RHOG: variants seen among roughly 807,000 people sequenced by gnomAD.
RHOG encodes ras homolog family member G.
A neutral mutation model predicts 12.3 loss-of-function variants in RHOG; 1 was observed. That is an observed-to-expected ratio of 0.08 (90% confidence interval 0.03 to 0.39). RHOG has a LOEUF of 0.39. Ranked by LOEUF, RHOG falls within the 10% of genes least tolerant of loss-of-function variation. The probability of loss-of-function intolerance (pLI) is 0.99; values close to 1 mark genes in which losing one functional copy is unlikely to be tolerated. For missense variants in RHOG, 114 were observed against 266.2 expected, an observed-to-expected ratio of 0.43 and a Z score of 3.98; for synonymous variants, 129 against 116.0, an observed-to-expected ratio of 1.11 and a Z score of -0.72.
At chr11:3,830,296 C>G (rs554330976) in intron 1 of RHOG, among the ~76,000 whole-genome samples, 28 of 152,268 alleles carry the variant, frequency 1.8e-4, no homozygotes, top group African/African-American at 5.8e-4. Context: ...TATTTGTTCC[C>G]TGAGCCTCAA....
chr11:3,827,385 GCCCCTTTCTCTGCAGGC>G lies in RHOG; in HGVS notation c.*161_*177del, dbSNP rs1194274944. 3.3e-6 allele frequency: 2 copies of G among 606,172 alleles called. No homozygotes were observed. The highest frequency in any genetic ancestry group is 5.5e-5 in the East Asian group (2 of 36,200). 37.5% of individuals were successfully genotyped at this position (606,172 alleles called of 1,614,324 possible). On this transcript the variant is annotated 3_prime_UTR_variant, in exon 2 of 2. Coordinates refer to ENST00000351018, the MANE Select transcript of RHOG (RefSeq NM_001665.4). The surrounding 1 kb of genome is among the most constrained non-coding windows in gnomAD (Gnocchi z 7.3). Reference sequence around the variant, plus strand: ...CAAGCAGAGGGGGGCAGAGCCCAAAGCCCCTTTCTCTGCAGGCCTCCTTAAGGAGAAAAAGGCACTCA... The same window carrying G: ...CAAGCAGAGGGGGGCAGAGCCCAAAGCTCCTTAAGGAGAAAAAGGCACTCA...
intron 1 of RHOG, among the ~76,000 whole-genome samples, chr11:3,833,684 T>A (rs576037888): frequency 6.6e-6 from 1 of 152,342 alleles, no homozygotes; most frequent in African/African-American, 2.4e-5. Context: ...CACATAGCAC[T>A]GTTATAAGGA....
chr11:3,837,866 T>A (rs943977467), intron 1 of RHOG: 4 of 152,280 alleles, frequency 2.6e-5, no homozygotes, highest in African/African-American at 9.6e-5. Context: ...GGTGCATTCA[T>A]GATTTAGCAC....
chr11:3,827,228 T>C lies in RHOG; in HGVS notation c.*335A>G, dbSNP rs767545528. On this transcript the variant is annotated 3_prime_UTR_variant, in exon 2 of 2. Transcript: ENST00000351018. This position sits in a 1 kb window ranked among gnomAD's most constrained non-coding sequence, Gnocchi z 7.3. ...CCCCTAACCTGAGGCGGCACCACAA[T>C]AGGCAGCAACAACTGTGTGGAAAGC... The C allele has an allele frequency of 6.6e-5, 21 of 319,340 alleles. No individual in the cohort carries two copies. The highest frequency in any genetic ancestry group is 1.2e-4 in the East Asian group (2 of 16,844). 19.8% of individuals were successfully genotyped at this position (319,340 alleles called of 1,614,324 possible).
chr11:3,839,622 C>A (rs1404874398), intron 1 of RHOG, among the ~76,000 whole-genome samples: 1 of 151,744 alleles, frequency 6.6e-6, no homozygotes. Flanking sequence ...CACACACACA[C>A]ACACACAGGC....
At chr11:3,837,039 A>T (rs934173027) in intron 1 of RHOG, among the ~76,000 whole-genome samples, 1 of 151,346 alleles carries the variant, frequency 6.6e-6, no homozygotes, top group African/African-American at 2.4e-5. Context: ...CTCCCCGCCT[A>T]GCAGCAGCTC....
intron 1 of RHOG, among the ~76,000 whole-genome samples, chr11:3,829,054 C>T (rs989049675): frequency 6.6e-6 from 1 of 151,966 alleles, no homozygotes; most frequent in South Asian, 2.1e-4. Context: ...CACAGGACAG[C>T]TGTCCCAGGT....
intron 1 of RHOG, among the ~76,000 whole-genome samples, chr11:3,829,223 A>G (rs1183027268): frequency 6.6e-6 from 1 of 151,270 alleles, no homozygotes; most frequent in East Asian, 1.9e-4. Flanking sequence ...CCCTATCCCA[A>G]TCCAGGGTAT....
At chr11:3,828,851 A>G (rs933366549) in intron 1 of RHOG, among the ~76,000 whole-genome samples, 6 of 151,586 alleles carry the variant, frequency 4.0e-5, no homozygotes, top group African/African-American at 1.5e-4. Context: ...CGATCTCCTG[A>G]CCTCGTGATC....
rs1426207420 is a variant in RHOG, at chr11:3,840,884, C to T, written c.-69+10G>A. The T allele has an allele frequency of 2.0e-5, 3 of 152,142 alleles. No homozygotes were observed. The highest frequency in any genetic ancestry group is 4.4e-5 in the Non-Finnish European group (3 of 68,040). 9.4% of individuals were successfully genotyped at this position (152,142 alleles called of 1,614,324 possible). A position where few individuals can be genotyped will look rare whatever the true frequency, so the allele number is the denominator to read the frequency against. On this transcript the variant is annotated intron_variant, in intron 1 of 1. Coordinates refer to ENST00000351018, the MANE Select transcript of RHOG (RefSeq NM_001665.4). ...CGGACCCCTACCCGCCAGCCCCGGC[C>T]GGGCCTCACCTGGTGCCCTCCCCGA...
At chr11:3,838,915 G>A (rs1046896699) in intron 1 of RHOG, among the ~76,000 whole-genome samples, 1 of 152,166 alleles carries the variant, frequency 6.6e-6, no homozygotes, top group African/African-American at 2.4e-5. Flanking sequence ...GAGATGGGGA[G>A]TATTAAGGAT....
intron 1 of RHOG, among the ~76,000 whole-genome samples, chr11:3,828,686 T>G (rs553197386): frequency 4.1e-5 from 6 of 145,444 alleles, no homozygotes; most frequent in South Asian, 2.2e-4. Context: ...TGCAGTGGCG[T>G]CATCTCGGCT....
In RHOG at chr11:3,828,056, A is replaced by G; in HGVS notation, c.83T>C (p.Phe28Ser). Residue 28 changes from phenylalanine to serine, a missense_variant, in exon 2 of 2, where the codon TTC becomes TCC. Coordinates refer to ENST00000351018, the MANE Select transcript of RHOG (RefSeq NM_001665.4). ...CACGGTGGGGATGTACTCTTTGGGG[A>G]AAGCGTTAGTTGTGTAGCAGATGAG... ...CLLICYTTNAFPKEYIPTVFD... is the reference protein window; with the variant it reads ...CLLICYTTNASPKEYIPTVFD... The G allele has an allele frequency of 6.2e-7, 1 of 1,614,236 alleles. No homozygotes were observed.
intron 1 of RHOG, among the ~76,000 whole-genome samples, chr11:3,828,796 A>G (rs975202341): frequency 6.6e-6 from 1 of 151,416 alleles, no homozygotes; most frequent in Non-Finnish European, 1.5e-5. Context: ...AATTTTTTGT[A>G]TTTTTAGTAG....
chr11:3,838,035 G>A (rs1398775253), intron 1 of RHOG, among the ~76,000 whole-genome samples: 10 of 152,304 alleles, frequency 6.6e-5, no homozygotes, highest in African/African-American at 4.8e-5. Context: ...TGGGGAGGTG[G>A]CCCAGGCTTT....
intron 1 of RHOG, among the ~76,000 whole-genome samples, chr11:3,828,825 T>G (rs954981145): frequency 6.6e-6 from 1 of 151,694 alleles, no homozygotes; most frequent in South Asian, 2.1e-4. Context: ...TTTCACCGTG[T>G]TGGCCAGGAT....
At chr11:3,839,356 A>C (rs1590482680) in intron 1 of RHOG, among the ~76,000 whole-genome samples, 1 of 152,174 alleles carries the variant, frequency 6.6e-6, no homozygotes, top group East Asian at 1.9e-4. Flanking sequence ...CTCCTGCCTA[A>C]CCACAACCTC....
rs949946571 is a variant in RHOG, at chr11:3,827,824, G to A, written c.315C>T (p.Cys105=). 4.3e-6 allele frequency: 7 copies of A among 1,614,038 alleles called. No individual in the cohort carries two copies. In the African/African-American group the frequency reaches 5.3e-5, roughly 12 times the overall value. The change falls in exon 2 of 2, where the codon TGC becomes TGT. Residue 105 remains cysteine (C), a synonymous_variant. Transcript: ENST00000351018. This position sits in a 1 kb window ranked among gnomAD's most constrained non-coding sequence, Gnocchi z 7.3. ...CCACCAGCAGGATGGGCACATCAGG[G>A]CAGTGGTGGCACACCTCTGGATGCC... ...HKWHPEVCHH[C]PDVPILLVGT...
intron 1 of RHOG, among the ~76,000 whole-genome samples, chr11:3,829,810 A>C (rs571449056): frequency 1.3e-5 from 2 of 150,952 alleles, no homozygotes; most frequent in Non-Finnish European, 3.0e-5. Flanking sequence ...GTAGTGGCGC[A>C]ATCTTGACTC....
Sources: allele counts gnomAD v4.1 joint callset (sites outside exome capture counted in the v4.1 genomes callset), GRCh38; gene constraint gnomAD v4.1.1; non-coding constraint Gnocchi (gnomAD v3.1); transcripts MANE v1.5; gene names NCBI Gene and HGNC (gene_info 2026-07-23, HGNC 2026-07-21).